BLVRA: variants seen among roughly 807,000 people sequenced by gnomAD.
BLVRA encodes biliverdin reductase A.
BLVRA carries 22 observed loss-of-function variants against 32.8 expected under a neutral mutation model. The ratio of observed to expected loss-of-function variants is 0.67; its 90% CI spans 0.48 to 0.96. The LOEUF (loss-of-function observed/expected upper bound fraction) is 0.96. Ranked by LOEUF, BLVRA falls within the 40% of genes least tolerant of loss-of-function variation. The pLI is 0.00. For missense variants in BLVRA, 323 were observed against 358.1 expected, an observed-to-expected ratio of 0.90 and a Z score of 0.79; for synonymous variants, 119 against 141.3, an observed-to-expected ratio of 0.84 and a Z score of 1.12.
chr7:43,769,461 T>C (rs2095752012), intron 1 of BLVRA, among the ~76,000 whole-genome samples: 1 of 152,154 alleles, frequency 6.6e-6, no homozygotes, highest in Non-Finnish European at 1.5e-5. Context: ...CTTTTTCAGA[T>C]TTTTTTCAGA....
intron 3 of BLVRA, among the ~76,000 whole-genome samples, chr7:43,788,510 A>G (rs765883355): frequency 2.6e-5 from 4 of 152,210 alleles, no homozygotes; most frequent in African/African-American, 4.8e-5. Flanking sequence ...ACAGCTGGAA[A>G]GTCTAAGAAC....
intron 5 of BLVRA, 146 bp from the exon 6 acceptor site, chr7:43,800,319 A>G: frequency 1.4e-6 from 1 of 728,888 alleles, no homozygotes; most frequent in Non-Finnish European, 2.5e-6. Context: ...GGTGGGTGAC[A>G]GTGGTAGGGA....
At position 43,800,580 on chromosome 7, in the gene BLVRA, C is replaced by T. The variant is rs745383391; in HGVS notation, c.460+8C>T. 2.0e-5 allele frequency: 33 copies of T among 1,611,708 alleles called. No homozygotes were observed. Among genetic ancestry groups the T allele is most frequent in the Non-Finnish European group, 2.8e-5 (33 of 1,178,116 alleles). ...GGTCGCTCCTCTTCACAGGTCAGTG[C>T]TACGTGGGATCACAGGTCACATGTG... On this transcript the variant is annotated splice_region_variant and intron_variant, in intron 6 of 7. Transcript: ENST00000265523.
At position 43,787,067 on chromosome 7, in the gene BLVRA, C is replaced by T. The variant is rs1021123365; in HGVS notation, c.13-837C>T. ...CCTCCTAAGTAGCTGGGATTACAGG[C>T]GCCTGCCAACAGGCCCAGCTAATTT... On this transcript the variant is annotated intron_variant, in intron 2 of 7. Coordinates refer to ENST00000265523, the MANE Select transcript of BLVRA (RefSeq NM_000712.4). The surrounding 1 kb of genome is among the most constrained non-coding windows in gnomAD (Gnocchi z 4.5). 1.3e-5 allele frequency among the ~76,000 whole-genome samples: 2 copies of T among 152,028 alleles called. No homozygotes were observed. Among genetic ancestry groups the T allele is most frequent in the African/African-American group, 4.8e-5 (2 of 41,396 alleles).
Position 43,806,984 on chromosome 7 carries a change from T to C in BLVRA, c.640T>C (p.Ser214Pro). The C allele has an allele frequency of 6.2e-7, 1 of 1,614,012 alleles. No individual in the cohort carries two copies. The highest frequency in any genetic ancestry group is 8.5e-7 in the Non-Finnish European group (1 of 1,180,006). ...TGTCTTTTGTCTTTGCAGTCCACTG[T>C]CATGGATTGAAGAAAAAGGACCTGG... The part of the protein sequence containing the change: ...CLETEKKSPL[S>P]WIEEKGPGLK... The change falls in exon 8 of 8, where the codon TCA (serine) becomes CCA (proline). Residue 214 changes from serine to proline, a missense_variant. Ser to Pro is a moderately conservative substitution (Grantham distance 74). Transcript: ENST00000265523.
At chr7:43,776,338 T>G (rs905330019) in intron 2 of BLVRA, among the ~76,000 whole-genome samples, 1 of 152,242 alleles carries the variant, frequency 6.6e-6, no homozygotes, top group Non-Finnish European at 1.5e-5. Context: ...TCTGGTATGT[T>G]GTGTCTTTAT....
intron 1 of BLVRA, among the ~76,000 whole-genome samples, chr7:43,765,752 A>G (rs1341490691): frequency 6.6e-6 from 1 of 152,248 alleles, no homozygotes; most frequent in Non-Finnish European, 1.5e-5. Context: ...CTGTAAAGCC[A>G]CAATCATGTA....
chr7:43,807,122 C>G lies in BLVRA; in HGVS notation c.778C>G (p.Gln260Glu), dbSNP rs1180125588. 1 of 1,614,052 alleles carries G rather than the reference C, an allele frequency of 6.2e-7. No homozygotes were observed. Among genetic ancestry groups the G allele is most frequent in the Admixed American group, 1.7e-5 (1 of 60,014 alleles). Reference protein sequence around the residue: ...IFLKDQNIFVQKLLGQFSEKE... With the variant: ...IFLKDQNIFVEKLLGQFSEKE... ...TCTGAAAGATCAAAATATATTTGTCCAGAAACTCTTGGGCCAGTTCTCTGA... is the reference window on the plus strand; with the variant it reads ...TCTGAAAGATCAAAATATATTTGTCGAGAAACTCTTGGGCCAGTTCTCTGA... Residue 260 changes from glutamine (Q) to glutamate (E), a missense_variant, in exon 8 of 8, where the codon CAG becomes GAG. Physicochemically the swap from Gln to Glu is conservative, Grantham distance 29. Coordinates refer to ENST00000265523, the MANE Select transcript of BLVRA (RefSeq NM_000712.4).
intron 2 of BLVRA, among the ~76,000 whole-genome samples, chr7:43,783,474 G>C (rs1038848989): frequency 2.0e-5 from 3 of 152,134 alleles, no homozygotes; most frequent in Non-Finnish European, 4.4e-5. Flanking sequence ...TATATAAAGG[G>C]CTTCCTCGTT....
chr7:43,765,101 G>A (rs2095746382), intron 1 of BLVRA, among the ~76,000 whole-genome samples: 2 of 152,182 alleles, frequency 1.3e-5, no homozygotes, highest in Admixed American at 6.5e-5. Flanking sequence ...AGATACGGGG[G>A]GAGGAGAAAC....
intron 5 of BLVRA, among the ~76,000 whole-genome samples, chr7:43,793,138 T>G (rs534731667): frequency 1.3e-5 from 2 of 152,358 alleles, no homozygotes; most frequent in Non-Finnish European, 2.9e-5. Context: ...TGCTGGGATA[T>G]CCTAAAAATG....
chr7:43,773,446 T>C (rs1458134952), intron 2 of BLVRA, among the ~76,000 whole-genome samples: 1 of 152,254 alleles, frequency 6.6e-6, no homozygotes, highest in Non-Finnish European at 1.5e-5. Context: ...GTTTCATCCA[T>C]GTCCCTACAA....
intron 2 of BLVRA, among the ~76,000 whole-genome samples, chr7:43,772,376 C>G (rs2095755586): frequency 6.6e-6 from 1 of 152,208 alleles, no homozygotes; most frequent in African/African-American, 2.4e-5. Context: ...CATCAAATGT[C>G]TCCTTCGGTC....
rs1224423629 is a variant in BLVRA, at chr7:43,803,829, TG to T, written c.616del (p.Glu206ArgfsTer18). 6.2e-7 allele frequency: 1 copy of T among 1,614,030 alleles called. No individual in the cohort carries two copies. The highest frequency in any genetic ancestry group is 1.7e-5 in the Admixed American group (1 of 60,006). ...EDQYMKMTVCLETEKKSPLSW... is the reference protein window; with the variant it reads ...EDQYMKMTVCXETEKKSPLSW... ...CAGTATATGAAAATGACAGTGTGTCTGGAGACAGAGAAGAAAAGGTAAGTCA... is the reference window on the plus strand; with the variant it reads ...CAGTATATGAAAATGACAGTGTGTCTGAGACAGAGAAGAAAAGGTAAGTCA... On this transcript the variant is annotated frameshift_variant, in exon 7 of 8. Transcript: ENST00000265523. LOFTEE classifies it high-confidence loss of function.
chr7:43,771,592 C>T (rs1372854726), intron 2 of BLVRA, among the ~76,000 whole-genome samples: 1 of 152,196 alleles, frequency 6.6e-6, no homozygotes, highest in East Asian at 1.9e-4. Context: ...TACCCATCAG[C>T]CCCTTCCTCT....
intron 1 of BLVRA, among the ~76,000 whole-genome samples, chr7:43,762,002 C>T (rs1484356679): frequency 6.6e-6 from 1 of 152,068 alleles, no homozygotes; most frequent in Non-Finnish European, 1.5e-5. Flanking sequence ...ACCCTTAGAC[C>T]TCTGAGGCTG....
chr7:43,775,284 G>C (rs1005384576), intron 2 of BLVRA, among the ~76,000 whole-genome samples: 1 of 152,094 alleles, frequency 6.6e-6, no homozygotes, highest in African/African-American at 2.4e-5. Context: ...GTTTGTCATA[G>C]ATAGCTCTTA....
intron 6 of BLVRA, among the ~76,000 whole-genome samples, chr7:43,803,417 C>G (rs915968859): frequency 8.6e-5 from 13 of 151,980 alleles, no homozygotes; most frequent in African/African-American, 2.2e-4. Flanking sequence ...ACTGCTGTTT[C>G]CAGTAGAATG....
intron 2 of BLVRA, among the ~76,000 whole-genome samples, chr7:43,782,052 T>A (rs2095770352): frequency 6.6e-6 from 1 of 152,234 alleles, no homozygotes; most frequent in Admixed American, 6.5e-5. Flanking sequence ...ATCTTTTCTT[T>A]CGTTACCTTC....
Sources: allele counts gnomAD v4.1 joint callset (sites outside exome capture counted in the v4.1 genomes callset), GRCh38; gene constraint gnomAD v4.1.1; non-coding constraint Gnocchi (gnomAD v3.1); transcripts MANE v1.5; gene names NCBI Gene and HGNC (gene_info 2026-07-23, HGNC 2026-07-21).